Variants in RBFOX1 observed in about 807,000 individuals in gnomAD.
The protein encoded by RBFOX1 is RNA binding fox-1 homolog 1, also known as RNA binding protein fox-1 homolog 1.
In RBFOX1, 8 loss-of-function variants were observed where a neutral mutation model predicts 57.7. That is an observed-to-expected ratio of 0.14 (90% CI 0.08 to 0.25). RBFOX1 has a LOEUF of 0.25. Among genes scored for constraint, RBFOX1 ranks in the 10% least tolerant of loss-of-function variants. The pLI is 1.00. For missense variants in RBFOX1, 611 were observed against 548.5 expected (o/e 1.11, Z -1.14); for synonymous variants, 326 against 222.4 (o/e 1.47, Z -4.15).
At chr16:5,913,261 A>C (rs1272683204) in intron 4 of RBFOX1, among the ~76,000 whole-genome samples, 2 of 152,016 alleles carry the variant, frequency 1.3e-5, no homozygotes, top group African/African-American at 4.8e-5. Context: ...GTATCTCCCC[A>C]CCCCTACCAT....
At chr16:6,607,834 A>C (rs2097964372) in intron 2 of RBFOX1, among the ~76,000 whole-genome samples, 1 of 152,200 alleles carries the variant, frequency 6.6e-6, no homozygotes, top group African/African-American at 2.4e-5. Flanking sequence ...GGGAGAACAA[A>C]CTTAACATGA....
intron 3 of RBFOX1, among the ~76,000 whole-genome samples, chr16:5,677,698 A>G (rs571974845): frequency 6.6e-6 from 1 of 152,362 alleles, no homozygotes; most frequent in Non-Finnish European, 1.5e-5. Context: ...TCCTTCTATC[A>G]AGTCTGAAAA....
chr16:6,890,143 T>C (rs12149133), intron 3 of RBFOX1, among the ~76,000 whole-genome samples: 30,182 of 152,162 alleles, frequency 0.2, 3,210 homozygotes, highest in East Asian at 0.28. Flanking sequence ...GGTGAAAATG[T>C]GAAAGCCTAA....
Position 7,710,962 on chromosome 16 carries a change from G to A in RBFOX1, c.*217G>A. The A allele has an allele frequency of 1.8e-6, 1 of 544,582 alleles. No individual in the cohort carries two copies. The highest frequency in any genetic ancestry group is 2.8e-6 in the Non-Finnish European group (1 of 356,724). The allele number at this position is 544,582 out of a possible 1,614,324, so 33.7% of individuals were successfully genotyped here. A position where few individuals can be genotyped will look rare whatever the true frequency, so the allele number is the denominator to read the frequency against. On this transcript the variant is annotated 3_prime_UTR_variant, in exon 16 of 16. Transcript: ENST00000550418. ...GTCTTTAATTTCTGAAGGTTCCGTA[G>A]TTTGGTTGCTGGCTGTAGGAGTTTT...
At chr16:6,033,158 C>A (rs774220648) in intron 1 of RBFOX1, among the ~76,000 whole-genome samples, 5 of 152,048 alleles carry the variant, frequency 3.3e-5, no homozygotes, top group East Asian at 1.9e-4. Context: ...TTGTTTGGAT[C>A]AAAAATGAGG....
chr16:6,632,681 C>G (rs565459342), intron 2 of RBFOX1, among the ~76,000 whole-genome samples: 3 of 152,194 alleles, frequency 2.0e-5, no homozygotes, highest in Non-Finnish European at 4.4e-5. Flanking sequence ...CCGGCGAAGG[C>G]CTTCTTTGGC....
chr16:6,627,761 G>T (rs914328522), intron 2 of RBFOX1, among the ~76,000 whole-genome samples: 5 of 152,158 alleles, frequency 3.3e-5, no homozygotes, highest in African/African-American at 1.2e-4. Flanking sequence ...GAGATTTGGT[G>T]CAGGTCGAAA....
At chr16:5,418,224 C>G (rs1363792337) in intron 1 of RBFOX1, among the ~76,000 whole-genome samples, 1 of 152,050 alleles carries the variant, frequency 6.6e-6, no homozygotes, top group Admixed American at 6.6e-5. Context: ...TAGTTATTGG[C>G]AAGCATATTA....
At chr16:6,577,157 G>A (rs2097452249) in intron 2 of RBFOX1, 1 of 152,158 alleles carries the variant, frequency 6.6e-6, no homozygotes, top group African/African-American at 2.4e-5. Context: ...TCTTCTACCT[G>A]GGTCGCTGAA....
upstream of RBFOX1, among the ~76,000 whole-genome samples, chr16:6,014,926 G>A (rs2094984098): frequency 6.6e-6 from 1 of 151,322 alleles, no homozygotes; most frequent in South Asian, 2.1e-4. Context: ...TGTGGTTGCA[G>A]CTTTCTGTAG....
intron 1 of RBFOX1, among the ~76,000 whole-genome samples, chr16:6,085,011 T>C (rs1287435568): frequency 6.6e-6 from 1 of 152,186 alleles, no homozygotes; most frequent in Non-Finnish European, 1.5e-5. Flanking sequence ...CCCAATCAAC[T>C]TGTGAGAATT....
chr16:5,875,267 T>C (rs746113546), intron 4 of RBFOX1, among the ~76,000 whole-genome samples: 1 of 152,130 alleles, frequency 6.6e-6, no homozygotes, highest in Non-Finnish European at 1.5e-5. Flanking sequence ...TGTGGAGAAG[T>C]GGTGTAGGTT....
chr16:5,747,781 T>C (rs1436653407), intron 3 of RBFOX1, among the ~76,000 whole-genome samples: 1 of 152,216 alleles, frequency 6.6e-6, no homozygotes, highest in Non-Finnish European at 1.5e-5. Flanking sequence ...TCTTTATTAG[T>C]CTTGCTAGTG....
Position 5,946,649 on chromosome 16 carries a change from A to G in RBFOX1, c.351+79314A>G, listed in dbSNP as rs1008153610. Among the ~76,000 whole-genome samples, 9 of 152,188 alleles carry G rather than the reference A, an allele frequency of 5.9e-5. No individual in the cohort carries two copies. Among genetic ancestry groups the G allele is most frequent in the African/African-American group, 1.9e-4 (8 of 41,456 alleles). On this transcript the variant is annotated intron_variant, in intron 4 of 19. Transcript: ENST00000641259. This position sits in a 1 kb window ranked among gnomAD's most constrained non-coding sequence, Gnocchi z 4.6. ...TGTGAGCCGTGCTAGGCAACTATTG[A>G]ACCAGAGAAGGGGGTTATGAGAATC... is the stretch of plus-strand genomic sequence containing the variant.
At chr16:6,555,288 T>C (rs1441111476) in intron 2 of RBFOX1, among the ~76,000 whole-genome samples, 4 of 152,190 alleles carry the variant, frequency 2.6e-5, no homozygotes, top group Non-Finnish European at 5.9e-5. Flanking sequence ...ATCCTATCCA[T>C]TGGGCATGAT....
intron 3 of RBFOX1, among the ~76,000 whole-genome samples, chr16:5,819,666 C>A (rs1347749357): frequency 2.0e-5 from 3 of 152,196 alleles, no homozygotes; most frequent in Non-Finnish European, 4.4e-5. Flanking sequence ...TGTCTCCAGG[C>A]CCTTATCTAT....
intron 1 of RBFOX1, among the ~76,000 whole-genome samples, chr16:6,094,528 G>T (rs1465882231): frequency 1.3e-5 from 2 of 152,118 alleles, no homozygotes; most frequent in African/African-American, 2.4e-5. Context: ...GCATTCCACT[G>T]GAAGCTTGAA....
intron 4 of RBFOX1, among the ~76,000 whole-genome samples, chr16:6,011,059 T>C (rs2094958340): frequency 6.6e-6 from 1 of 152,220 alleles, no homozygotes; most frequent in African/African-American, 2.4e-5. Context: ...GGCTTAAATA[T>C]CTTTACTTAT....
intron 3 of RBFOX1, among the ~76,000 whole-genome samples, chr16:5,738,307 C>G (rs1171732513): frequency 6.6e-6 from 1 of 151,774 alleles, no homozygotes; most frequent in African/African-American, 2.4e-5. Flanking sequence ...AGGTATATAT[C>G]AACAACGCTG....
Sources: allele counts gnomAD v4.1 joint callset (sites outside exome capture counted in the v4.1 genomes callset), GRCh38; gene constraint gnomAD v4.1.1; non-coding constraint Gnocchi (gnomAD v3.1); transcripts MANE v1.5; gene names NCBI Gene and HGNC (gene_info 2026-07-23, HGNC 2026-07-21).